ACACB: variants seen among roughly 807,000 people sequenced by gnomAD.
ACACB encodes acetyl-CoA carboxylase beta.
In ACACB, 209 loss-of-function variants were observed where a neutral mutation model predicts 278.8. That is an observed-to-expected ratio of 0.75 (90% confidence interval 0.67 to 0.84). The LOEUF (loss-of-function observed/expected upper bound fraction) is 0.84, where lower values mean the gene tolerates loss of function less well. Among genes scored for constraint, ACACB ranks in the 40% least tolerant of loss-of-function variants. ACACB has a pLI of 0.00. For synonymous variants in ACACB, 1,174 were observed against 1,285.6 expected (o/e 0.91, Z 1.86); for missense variants, 2,850 against 3,269.0 (o/e 0.87, Z 3.13).
At chr12:109,122,615 C>T (rs1320230861) in intron 1 of ACACB, among the ~76,000 whole-genome samples, 1 of 150,320 alleles carries the variant, frequency 6.7e-6, no homozygotes, top group Non-Finnish European at 1.5e-5. Context: ...AATACAGAGC[C>T]TAGCACAAAT....
At chr12:109,214,598 T>C (rs1045442413) in intron 22 of ACACB, among the ~76,000 whole-genome samples, 14 of 152,240 alleles carry the variant, frequency 9.2e-5, no homozygotes, top group Non-Finnish European at 1.9e-4. Flanking sequence ...GTGCTGACCA[T>C]AAATATTAAA....
rs557467266 is a variant in ACACB at position 109,227,587 on chromosome 12, C to T, written c.4001+98C>T. ...AGGACCTGGCAAGTGTGTTTGGGCA[C>T]GCTGCTGGGGAGACATCAGCGATAA... On this transcript the variant is annotated intron_variant, in intron 28 of 52. Coordinates refer to ENST00000338432, the MANE Select transcript of ACACB (RefSeq NM_001093.4). The T allele has an allele frequency of 1.8e-5, 21 of 1,164,720 alleles. 1 individual carries two copies. The highest frequency in any genetic ancestry group is 2.0e-4 in the Middle Eastern group (1 of 5,098). The allele number at this position is 1,164,720 out of a possible 1,614,324, so 72.1% of individuals were successfully genotyped here. A position where few individuals can be genotyped will look rare whatever the true frequency, so the allele number is the denominator to read the frequency against.
At chr12:109,253,303 C>T in intron 43 of ACACB, 145 bp downstream of exon 43, 1 of 872,628 alleles carries the variant, frequency 1.1e-6, no homozygotes, top group Non-Finnish European at 1.7e-6. Flanking sequence ...TTTTCTTACT[C>T]CTTCTTCCTT....
chr12:109,191,788 C>T, intron 14 of ACACB, 25 bp downstream of exon 14: 1 of 1,614,122 alleles, frequency 6.2e-7, no homozygotes, highest in Middle Eastern at 1.6e-4. Flanking sequence ...GCCTGTGTCT[C>T]CCCTCTGGAT....
intron 22 of ACACB, among the ~76,000 whole-genome samples, chr12:109,215,541 A>T (rs1460384232): frequency 6.6e-6 from 1 of 152,142 alleles, no homozygotes; most frequent in African/African-American, 2.4e-5. Flanking sequence ...AGACAGCCGG[A>T]TCATGAGGTC....
rs2268404 is a variant in ACACB at position 109,179,051 on chromosome 12, C to T, written c.1438-37C>T. Reference sequence around the variant, plus strand: ...TTCCAGAAGCTTCCAGAGCTGGTTTCCCCATGAAGATCAGGCTGCTCTGCT... The same window carrying T: ...TTCCAGAAGCTTCCAGAGCTGGTTTTCCCATGAAGATCAGGCTGCTCTGCT... On this transcript the variant is annotated intron_variant, in intron 9 of 52. Transcript: ENST00000338432. 3,472 of 1,590,140 alleles carry T rather than the reference C, an allele frequency of 2.2e-3. 98 individuals carry two copies. The East Asian group carries it at 0.061, about 28-fold the overall frequency.
At chr12:109,209,378 AC>A in intron 21 of ACACB, 25 bp downstream of exon 21, 1 of 1,590,160 alleles carries the variant, frequency 6.3e-7, no homozygotes, top group Admixed American at 1.7e-5. Flanking sequence ...GCCCAGCCCC[AC>A]CCCACCAGGA....
intron 50 of ACACB, among the ~76,000 whole-genome samples, 189 bp from the exon 51 acceptor site, chr12:109,264,921 C>G (rs955875815): frequency 1.3e-5 from 2 of 152,176 alleles, no homozygotes; most frequent in African/African-American, 4.8e-5. Context: ...AGTCTGGAGT[C>G]CTGGTGACGT....
intron 22 of ACACB, among the ~76,000 whole-genome samples, chr12:109,215,317 C>G (rs989847474): frequency 1.3e-5 from 2 of 152,042 alleles, no homozygotes; most frequent in Non-Finnish European, 2.9e-5. Context: ...GAAAGGCGCC[C>G]TCCCAAGTAT....
chr12:109,264,960 C>A, intron 50 of ACACB, 150 bp from the exon 51 acceptor site: 1 of 876,458 alleles, frequency 1.1e-6, no homozygotes. Flanking sequence ...CCTTCTCCTC[C>A]CTGAGCCTCA....
At chr12:109,118,791 C>T (rs1264703481) in intron 1 of ACACB, among the ~76,000 whole-genome samples, 1 of 152,078 alleles carries the variant, frequency 6.6e-6, no homozygotes, top group African/African-American at 2.4e-5. Context: ...TCACCTGTAC[C>T]CAGGGAAACC....
At chr12:109,123,553 C>G (rs1356905188) in intron 1 of ACACB, among the ~76,000 whole-genome samples, 1 of 151,788 alleles carries the variant, frequency 6.6e-6, no homozygotes, top group African/African-American at 2.4e-5. Context: ...ATTAGCCAGG[C>G]CTGGTGGCAT....
chr12:109,135,553 G>A (rs1419080290), intron 1 of ACACB, among the ~76,000 whole-genome samples: 1 of 151,332 alleles, frequency 6.6e-6, no homozygotes, highest in Non-Finnish European at 1.5e-5. Flanking sequence ...TTTTTCTTAT[G>A]GTAAATTGGA....
At chr12:109,160,502 G>A (rs747697153) in intron 2 of ACACB, among the ~76,000 whole-genome samples, 4 of 152,178 alleles carry the variant, frequency 2.6e-5, no homozygotes, top group Non-Finnish European at 5.9e-5. Flanking sequence ...TGCTCCGGCA[G>A]CTGACTGCAT....
chr12:109,222,851 A>T lies in ACACB; in HGVS notation c.3731A>T (p.Glu1244Val), dbSNP rs1399524267. The stretch of plus-strand genomic sequence containing the variant: ...TACGAGCTGCGGCATAACCAGGTGG[A>T]GTCCATTTTCCTGTCTGCCATTGAC... ...PSYELRHNQVESIFLSAIDMY... is the reference protein window; with the variant it reads ...PSYELRHNQVVSIFLSAIDMY... The change falls in exon 26 of 53, where the codon GAG becomes GTG. Residue 1244 changes from glutamate (E) to valine (V), a missense_variant. Around this residue, in one of 3 missense-constraint regions of ACACB, gnomAD observed 2,265 missense variants for 2,561.3 expected, o/e 0.88. Transcript: ENST00000338432. 1 of 1,613,590 alleles carries T rather than the reference A, an allele frequency of 6.2e-7. No individual in the cohort carries two copies. Among genetic ancestry groups the T allele is most frequent in the East Asian group, 2.2e-5 (1 of 44,836 alleles).
intron 34 of ACACB, among the ~76,000 whole-genome samples, chr12:109,239,364 T>C (rs946639730): frequency 6.6e-6 from 1 of 152,110 alleles, no homozygotes; most frequent in Non-Finnish European, 1.5e-5. Context: ...GCTCTGGGGT[T>C]GGTCAGGCAG....
chr12:109,205,159 A>C (rs1263445754), intron 19 of ACACB, among the ~76,000 whole-genome samples: 1 of 152,178 alleles, frequency 6.6e-6, no homozygotes, highest in African/African-American at 2.4e-5. Context: ...TGGCATCACT[A>C]GTCTCTTTAG....
At chr12:109,130,919 T>C (rs1476525599) in intron 1 of ACACB, among the ~76,000 whole-genome samples, 1 of 152,202 alleles carries the variant, frequency 6.6e-6, no homozygotes, top group Non-Finnish European at 1.5e-5. Context: ...CCCTCCCTTC[T>C]GGACAGGCGT....
intron 34 of ACACB, among the ~76,000 whole-genome samples, chr12:109,237,992 A>T (rs1012748203): frequency 1.3e-5 from 2 of 149,476 alleles, no homozygotes; most frequent in African/African-American, 2.5e-5. Flanking sequence ...AGCCTGGGGG[A>T]TAGAGTGAGA....
Sources: allele counts gnomAD v4.1 joint callset (sites outside exome capture counted in the v4.1 genomes callset), GRCh38; gene constraint gnomAD v4.1.1; regional missense constraint gnomAD v4.1.1; transcripts MANE v1.5; gene names NCBI Gene and HGNC (gene_info 2026-07-23, HGNC 2026-07-21).